The following HCN1 variants were observed in gnomAD, a reference collection of about 807,000 sequenced individuals.
HCN1 encodes potassium/sodium hyperpolarization-activated cyclic nucleotide-gated channel 1.
Under a neutral mutation model 78.9 loss-of-function variants are expected in HCN1, and 13 were observed. The ratio of observed to expected loss-of-function variants is 0.16; its 90% CI spans 0.11 to 0.26. The LOEUF is 0.26. Among genes scored for constraint, HCN1 ranks in the 10% least tolerant of loss-of-function variants. HCN1 has a pLI of 1.00. For missense variants in HCN1, 810 were observed against 1,154.3 expected (o/e 0.70, Z 4.32); for synonymous variants, 552 against 455.5 (o/e 1.21, Z -2.70).
At chr5:45,349,722 G>T (rs1274149539) in intron 5 of HCN1, among the ~76,000 whole-genome samples, 1 of 151,828 alleles carries the variant, frequency 6.6e-6, no homozygotes, top group Non-Finnish European at 1.5e-5. Flanking sequence ...AATACAAACT[G>T]CCCACAGAGA....
At chr5:45,610,850 G>T in intron 2 of HCN1, among the ~76,000 whole-genome samples, 1 of 151,782 alleles carries the variant, frequency 6.6e-6, no homozygotes, top group East Asian at 1.9e-4. Flanking sequence ...ATGAAATTTA[G>T]AATAGTTGGA....
chr5:45,639,202 C>T (rs1580011947), intron 2 of HCN1, among the ~76,000 whole-genome samples: 2 of 151,560 alleles, frequency 1.3e-5, no homozygotes, highest in African/African-American at 4.9e-5. Flanking sequence ...GAAAACAGTC[C>T]GGCATTTTAA....
chr5:45,272,470 T>C (rs915905346), intron 6 of HCN1, among the ~76,000 whole-genome samples: 20 of 152,222 alleles, frequency 1.3e-4, no homozygotes, highest in African/African-American at 4.6e-4. Flanking sequence ...AGAAACCATA[T>C]AGTTACCTTA....
chr5:45,298,448 G>A (rs1306739738), intron 6 of HCN1, among the ~76,000 whole-genome samples: 1 of 151,934 alleles, frequency 6.6e-6, no homozygotes, highest in Non-Finnish European at 1.5e-5. Flanking sequence ...TGAGCCAGGA[G>A]CATATTGTGG....
At chr5:45,300,574 A>T (rs1745593116) in intron 6 of HCN1, among the ~76,000 whole-genome samples, 1 of 152,130 alleles carries the variant, frequency 6.6e-6, no homozygotes, top group Non-Finnish European at 1.5e-5. Context: ...TATATACAGC[A>T]TACAAAATAT....
At chr5:45,294,927 G>C (rs1468918117) in intron 6 of HCN1, among the ~76,000 whole-genome samples, 1 of 152,070 alleles carries the variant, frequency 6.6e-6, no homozygotes. Flanking sequence ...CCCTTCTCAA[G>C]TCCATGGCCT....
chr5:45,310,897 G>A (rs1431003020), intron 5 of HCN1, among the ~76,000 whole-genome samples: 1 of 152,118 alleles, frequency 6.6e-6, no homozygotes, highest in African/African-American at 2.4e-5. Context: ...ATCATCCCTA[G>A]CAAATTAATT....
intron 4 of HCN1, among the ~76,000 whole-genome samples, chr5:45,395,167 A>G (rs1259732102): frequency 1.3e-5 from 2 of 152,198 alleles, no homozygotes; most frequent in African/African-American, 4.8e-5. Context: ...ACCAAAAAAA[A>G]AAGTGTGAAA....
intron 3 of HCN1, among the ~76,000 whole-genome samples, chr5:45,448,410 C>T (rs1740841720): frequency 6.6e-6 from 1 of 152,188 alleles, no homozygotes; most frequent in South Asian, 2.1e-4. Flanking sequence ...ATTCCACTAA[C>T]ATTCTGTCAT....
chr5:45,681,592 T>A (rs1442795407), intron 1 of HCN1, among the ~76,000 whole-genome samples: 1 of 152,084 alleles, frequency 6.6e-6, no homozygotes, highest in East Asian at 1.9e-4. Context: ...AGTTAAAATT[T>A]AAAAAAATCC....
At chr5:45,535,592 C>T (rs1354306434) in intron 2 of HCN1, among the ~76,000 whole-genome samples, 1 of 151,038 alleles carries the variant, frequency 6.6e-6, no homozygotes, top group South Asian at 2.1e-4. Context: ...AGCCAGACAC[C>T]ATTTCAAAAA....
At chr5:45,526,906 C>T (rs1162113870) in intron 2 of HCN1, among the ~76,000 whole-genome samples, 1 of 151,690 alleles carries the variant, frequency 6.6e-6, no homozygotes, top group African/African-American at 2.4e-5. Flanking sequence ...GAGGTATGCT[C>T]CATCTTATTT....
At chr5:45,499,748 A>G (rs1486243029) in intron 2 of HCN1, among the ~76,000 whole-genome samples, 3 of 152,246 alleles carry the variant, frequency 2.0e-5, no homozygotes, top group Non-Finnish European at 4.4e-5. Flanking sequence ...ATGTCTATGT[A>G]TATCTCTATG....
At chr5:45,280,047 A>G (rs1239228474) in intron 6 of HCN1, among the ~76,000 whole-genome samples, 2 of 152,132 alleles carry the variant, frequency 1.3e-5, no homozygotes, top group Admixed American at 6.6e-5. Flanking sequence ...TTATAATACC[A>G]TATCAGGACA....
At chr5:45,532,940 G>A (rs1742889517) in intron 2 of HCN1, among the ~76,000 whole-genome samples, 1 of 152,152 alleles carries the variant, frequency 6.6e-6, no homozygotes, top group South Asian at 2.1e-4. Flanking sequence ...CTTTTCTCTT[G>A]TAAACTGCCC....
At chr5:45,369,099 CT>C (rs374140846) in intron 4 of HCN1, among the ~76,000 whole-genome samples, 46 of 143,428 alleles carry the variant, frequency 3.2e-4, no homozygotes, top group African/African-American at 5.1e-4. Flanking sequence ...TTTCATGTGG[CT>C]TTTTTTTTTC....
At chr5:45,346,500 C>A (rs1447700118) in intron 5 of HCN1, among the ~76,000 whole-genome samples, 3 of 152,130 alleles carry the variant, frequency 2.0e-5, no homozygotes, top group Non-Finnish European at 2.9e-5. Context: ...TAGGGAGTAC[C>A]AGACAGTGGG....
chr5:45,336,203 C>T (rs1746451550), intron 5 of HCN1, among the ~76,000 whole-genome samples: 1 of 151,926 alleles, frequency 6.6e-6, no homozygotes, highest in Admixed American at 6.6e-5. Context: ...ATTACTGAAG[C>T]CAACTTTGCA....
chr5:45,463,184 T>G (rs992716880), intron 2 of HCN1, among the ~76,000 whole-genome samples: 2 of 152,024 alleles, frequency 1.3e-5, no homozygotes, highest in East Asian at 3.9e-4. Flanking sequence ...CATTTGGTTT[T>G]AGAAATGATA....
Sources: gnomAD v4.1 joint callset for allele counts (sites outside exome capture counted in the v4.1 genomes callset) on GRCh38, gnomAD v4.1.1 for gene constraint, MANE v1.5 for transcripts, NCBI Gene and HGNC (gene_info 2026-07-23, HGNC 2026-07-21) for gene names.